KCTD3: variants seen among roughly 807,000 people sequenced by gnomAD.
KCTD3 encodes the protein BTB/POZ domain-containing protein KCTD3.
Under a neutral mutation model 85.8 loss-of-function variants are expected in KCTD3, and 41 were observed. That is an observed-to-expected ratio of 0.48 (90% CI 0.37 to 0.62). KCTD3 has a LOEUF of 0.62. Ranked by LOEUF, KCTD3 falls within the 20% of genes least tolerant of loss-of-function variation. The pLI is 0.00. For synonymous variants in KCTD3, 338 were observed against 345.4 expected (o/e 0.98, Z 0.24); for missense variants, 724 against 989.9 (o/e 0.73, Z 3.60).
rs192012237 is a variant in KCTD3, at chr1:215,597,461, T to C, written c.933+1990T>C. Among the ~76,000 whole-genome samples the C allele has an allele frequency of 4.0e-4, 61 of 152,286 alleles. 1 individual carries two copies. The East Asian group carries it at 0.011, about 28-fold the overall frequency. ...ATATTGGAAACATAGGTTATACATG[T>C]TTCATTCTCATATCAACGTAGACAG... On this transcript the variant is annotated intron_variant, in intron 10 of 17. Transcript: ENST00000259154.
chr1:215,618,083 G>T (rs1344866938), intron 15 of KCTD3: 3 of 465,738 alleles, frequency 6.4e-6, no homozygotes, highest in Non-Finnish European at 1.3e-5. Flanking sequence ...CTTCTCTCTT[G>T]TCAGTCTGTG....
At chr1:215,616,236 C>T (rs904161913) in intron 15 of KCTD3, among the ~76,000 whole-genome samples, 2 of 152,042 alleles carry the variant, frequency 1.3e-5, no homozygotes, top group Non-Finnish European at 2.9e-5. Flanking sequence ...GAAACATAAA[C>T]AGGACTCTGA....
intron 10 of KCTD3, among the ~76,000 whole-genome samples, chr1:215,601,145 TAGGCTGA>T (rs1252640702): frequency 2.8e-5 from 4 of 142,950 alleles, no homozygotes; most frequent in African/African-American, 1.2e-4. Flanking sequence ...CCGTGTTAGC[TAGGCTGA>T]TTTCGAATTC....
chr1:215,593,806 T>C (rs1407291525), intron 9 of KCTD3, among the ~76,000 whole-genome samples: 3 of 152,062 alleles, frequency 2.0e-5, no homozygotes, highest in Non-Finnish European at 2.9e-5. Context: ...CCATAAAGTG[T>C]TTTTCAAATG....
At chr1:215,617,001 T>C (rs1453129238) in intron 15 of KCTD3, among the ~76,000 whole-genome samples, 1 of 152,140 alleles carries the variant, frequency 6.6e-6, no homozygotes, top group Non-Finnish European at 1.5e-5. Context: ...GAAGGCTAAG[T>C]TGATCAATGG....
intron 13 of KCTD3, among the ~76,000 whole-genome samples, chr1:215,604,954 A>G (rs1654959846): frequency 1.3e-5 from 2 of 152,134 alleles, no homozygotes; most frequent in East Asian, 1.9e-4. Flanking sequence ...TACATAAAAA[A>G]TTAAATACTA....
intron 1 of KCTD3, among the ~76,000 whole-genome samples, chr1:215,572,860 T>C (rs1659418618): frequency 6.6e-6 from 1 of 152,016 alleles, no homozygotes; most frequent in South Asian, 2.1e-4. Flanking sequence ...TGCCAGAAAA[T>C]AAATGTGGAG....
At chr1:215,608,578 C>A (rs112877821) in intron 14 of KCTD3, among the ~76,000 whole-genome samples, 2 of 151,838 alleles carry the variant, frequency 1.3e-5, no homozygotes, top group African/African-American at 4.8e-5. Flanking sequence ...TTGATGACAT[C>A]GTAATATTCA....
At chr1:215,571,923 G>A (rs1402963701) in intron 1 of KCTD3, among the ~76,000 whole-genome samples, 2 of 152,184 alleles carry the variant, frequency 1.3e-5, no homozygotes, top group South Asian at 2.1e-4. Context: ...GAGCCACCGC[G>A]CCTAGCCGAG....
chr1:215,573,492 G>A (rs1571869892), intron 1 of KCTD3, among the ~76,000 whole-genome samples: 3 of 152,282 alleles, frequency 2.0e-5, no homozygotes, highest in African/African-American at 4.8e-5. Context: ...GACTTGGTGT[G>A]ATGGGCTAAT....
intron 12 of KCTD3, among the ~76,000 whole-genome samples, chr1:215,603,728 C>CT (rs1654915118): frequency 6.6e-6 from 1 of 152,102 alleles, no homozygotes; most frequent in Admixed American, 6.6e-5. Flanking sequence ...TTTATGAATT[C>CT]TTTAAACTAT....
intron 9 of KCTD3, among the ~76,000 whole-genome samples, chr1:215,589,851 C>G (rs576435316): frequency 6.6e-6 from 1 of 152,264 alleles, no homozygotes; most frequent in Non-Finnish European, 1.5e-5. Context: ...CGTTGATAGA[C>G]ATTTGGCTTA....
chr1:215,604,657 ATTT>A (rs79700903), intron 13 of KCTD3, among the ~76,000 whole-genome samples: 9 of 132,646 alleles, frequency 6.8e-5, no homozygotes, highest in Admixed American at 7.7e-5. Context: ...AGGAGATGTG[ATTT>A]TTTTTTTTTT....
intron 1 of KCTD3, 42 bp downstream of exon 1, chr1:215,567,810 C>T (rs1659195878): frequency 3.4e-6 from 4 of 1,182,316 alleles, no homozygotes; most frequent in African/African-American, 3.2e-5. Flanking sequence ...GATGCCTTGG[C>T]GGCCTCCTCC....
intron 10 of KCTD3, among the ~76,000 whole-genome samples, chr1:215,600,165 A>G (rs1396583286): frequency 3.9e-5 from 6 of 152,332 alleles, no homozygotes; most frequent in Admixed American, 2.6e-4. Flanking sequence ...TTTAATTAAA[A>G]GCCTGACCTC....
intron 15 of KCTD3, chr1:215,618,176 A>T (rs1199390433): frequency 2.2e-6 from 1 of 461,408 alleles, no homozygotes; most frequent in East Asian, 7.1e-5. Context: ...CTTTCCTTAG[A>T]GTTGATTGTT....
intron 1 of KCTD3, among the ~76,000 whole-genome samples, chr1:215,567,977 C>T (rs1375610456): frequency 1.3e-5 from 2 of 152,214 alleles, no homozygotes; most frequent in Non-Finnish European, 2.9e-5. Context: ...AGAAGGGACG[C>T]TTGGAATTAC....
intron 10 of KCTD3, among the ~76,000 whole-genome samples, chr1:215,599,012 A>T (rs555246640): frequency 1.3e-5 from 2 of 152,214 alleles, no homozygotes; most frequent in Non-Finnish European, 2.9e-5. Flanking sequence ...TATGATAAAA[A>T]GTATTCATAG....
At chr1:215,577,597 T>A (rs1268190108) in intron 4 of KCTD3, 73 bp from the exon 5 acceptor site, 5 of 928,488 alleles carry the variant, frequency 5.4e-6, no homozygotes, top group Non-Finnish European at 8.9e-6. Context: ...GAACCTAGAA[T>A]TTTTTCCTTT....
Sources: allele counts gnomAD v4.1 joint callset (sites outside exome capture counted in the v4.1 genomes callset), GRCh38; gene constraint gnomAD v4.1.1; transcripts MANE v1.5; gene names NCBI Gene and HGNC (gene_info 2026-07-23, HGNC 2026-07-21).